The following RILPL2 variants were observed in gnomAD, a reference collection of about 807,000 sequenced individuals.
The protein encoded by RILPL2 is RILP-like protein 2.
RILPL2 carries 19 observed loss-of-function variants against 22.2 expected under a neutral mutation model. The ratio of observed to expected loss-of-function variants is 0.86; its 90% CI spans 0.60 to 1.25. RILPL2 has a LOEUF of 1.25. Among genes scored for constraint, RILPL2 ranks in the 50% most tolerant of loss-of-function variants. The pLI, the probability that RILPL2 is intolerant of heterozygous loss-of-function variation, is 0.00. For synonymous variants in RILPL2, 123 were observed against 111.6 expected (o/e 1.10, Z -0.64); for missense variants, 243 against 263.6 (o/e 0.92, Z 0.54).
At chr12:123,419,736 G>C (rs1294035401) in intron 3 of RILPL2, among the ~76,000 whole-genome samples, 1 of 150,768 alleles carries the variant, frequency 6.6e-6, no homozygotes, top group African/African-American at 2.4e-5. Flanking sequence ...CTCCCGAGTA[G>C]CTGAAATTAC....
intron 2 of RILPL2, among the ~76,000 whole-genome samples, chr12:123,427,003 G>A (rs1244947871): frequency 6.7e-6 from 1 of 149,578 alleles, no homozygotes; most frequent in Non-Finnish European, 1.5e-5. Flanking sequence ...TGCAATCACT[G>A]CCCACTGAAG....
At position 123,423,214 on chromosome 12, in the gene RILPL2, T is replaced by A; in HGVS notation, c.492-57A>T. On this transcript the variant is annotated intron_variant, in intron 2 of 3. Transcript: ENST00000280571. ...TTTTATTACAGATCGTTTTTTTTTTTTTTTTGAGTTGGAGTCTTTCTCTGT... is the reference window on the plus strand; with the variant it reads ...TTTTATTACAGATCGTTTTTTTTTTATTTTTGAGTTGGAGTCTTTCTCTGT... The A allele has an allele frequency of 1.1e-5, 14 of 1,285,298 alleles. 1 individual carries two copies. Among genetic ancestry groups the A allele is most frequent in the Non-Finnish European group, 1.5e-5 (14 of 910,140 alleles). 79.6% of individuals were successfully genotyped at this position (1,285,298 alleles called of 1,614,324 possible).
At chr12:123,409,673 C>T in the RILPL2 span, among the ~76,000 whole-genome samples, 1 of 147,096 alleles carries the variant, frequency 6.8e-6, no homozygotes, top group Non-Finnish European at 1.5e-5. Context: ...CCTTGGCTAC[C>T]TGAATAGCTG....
chr12:123,427,455 A>G (rs371142453), intron 2 of RILPL2, among the ~76,000 whole-genome samples: 1 of 152,102 alleles, frequency 6.6e-6, no homozygotes, highest in Admixed American at 6.6e-5. Flanking sequence ...TGATGAAAGG[A>G]GTGGCAAAGT....
chr12:123,434,901 G>A (rs564200308), intron 1 of RILPL2, among the ~76,000 whole-genome samples: 2 of 151,572 alleles, frequency 1.3e-5, no homozygotes, highest in African/African-American at 4.8e-5. Context: ...AGGGCTGGGT[G>A]CTGTGGCTCA....
chr12:123,433,299 G>A (rs1374025271), intron 1 of RILPL2, among the ~76,000 whole-genome samples: 1 of 151,976 alleles, frequency 6.6e-6, no homozygotes, highest in African/African-American at 2.4e-5. Flanking sequence ...TAGACACGGG[G>A]TATGTTGGCC....
At chr12:123,416,933 C>T (rs28713448) in intron 3 of RILPL2, among the ~76,000 whole-genome samples, 47,695 of 152,016 alleles carry the variant, frequency 0.31, 8,418 homozygotes, top group Non-Finnish European at 0.4. Context: ...AAATGAACAC[C>T]TTCACTTCGG....
intron 1 of RILPL2, among the ~76,000 whole-genome samples, chr12:123,431,517 T>C (rs1447230196): frequency 2.0e-5 from 3 of 152,096 alleles, no homozygotes; most frequent in Non-Finnish European, 4.4e-5. Flanking sequence ...GCAGCTGAAC[T>C]GTACACTTAA....
intron 2 of RILPL2, among the ~76,000 whole-genome samples, chr12:123,426,310 G>A (rs1037531479): frequency 6.6e-6 from 1 of 151,800 alleles, no homozygotes; most frequent in Non-Finnish European, 1.5e-5. Flanking sequence ...CACCACACCC[G>A]GCTAATTTTT....
chr12:123,421,190 C>T (rs1477206578), intron 3 of RILPL2, among the ~76,000 whole-genome samples: 2 of 151,866 alleles, frequency 1.3e-5, no homozygotes, highest in Non-Finnish European at 2.9e-5. Context: ...TTAAGGCGAA[C>T]GCCACTACCA....
At chr12:123,412,112 T>C (rs1416507769), downstream of RILPL2, 1 of 152,168 alleles carries the variant, frequency 6.6e-6, no homozygotes, top group Non-Finnish European at 1.5e-5. Context: ...GTGGGTTCTC[T>C]TACCCTATCT....
chr12:123,419,112 G>T (rs897493961), intron 3 of RILPL2, among the ~76,000 whole-genome samples: 1 of 151,070 alleles, frequency 6.6e-6, no homozygotes, highest in South Asian at 2.1e-4. Flanking sequence ...CTGGGTTCAC[G>T]CCATTCTCCT....
chr12:123,436,037 G>T lies in RILPL2; in HGVS notation c.339+45C>A. 1 of 1,540,146 alleles carries T rather than the reference G, an allele frequency of 6.5e-7. No individual in the cohort carries two copies. The highest frequency in any genetic ancestry group is 8.8e-7 in the Non-Finnish European group (1 of 1,139,948). ...TCCCTGCCAGTAGGTGCCCTCCTAC[G>T]CCCCGCAGGCGCCGTGGGCCCGGAA... On this transcript the variant is annotated intron_variant, in intron 1 of 3. Coordinates refer to ENST00000280571, the MANE Select transcript of RILPL2 (RefSeq NM_145058.3). This position sits in a 1 kb window ranked among gnomAD's most constrained non-coding sequence, Gnocchi z 6.7.
At chr12:123,418,762 T>TC (rs1382212779) in intron 3 of RILPL2, among the ~76,000 whole-genome samples, 5 of 143,578 alleles carry the variant, frequency 3.5e-5, no homozygotes, top group African/African-American at 7.7e-5. Context: ...CTTTCTTTTT[T>TC]TTTTTTTTTT....
At chr12:123,432,255 C>T (rs548367890) in intron 1 of RILPL2, among the ~76,000 whole-genome samples, 34 of 152,248 alleles carry the variant, frequency 2.2e-4, no homozygotes, top group Admixed American at 1.4e-3. Context: ...CCTGTAACCC[C>T]AGAACTCTGG....
At chr12:123,423,491 G>A (rs1004020253) in intron 2 of RILPL2, among the ~76,000 whole-genome samples, 1 of 151,718 alleles carries the variant, frequency 6.6e-6, no homozygotes, top group Non-Finnish European at 1.5e-5. Context: ...ATGAACCACT[G>A]AGCCTGGCTT....
At chr12:123,433,761 C>G (rs1879714553) in intron 1 of RILPL2, among the ~76,000 whole-genome samples, 1 of 152,124 alleles carries the variant, frequency 6.6e-6, no homozygotes, top group South Asian at 2.1e-4. Context: ...CTGACCTCTC[C>G]CACTAGATGT....
intron 3 of RILPL2, among the ~76,000 whole-genome samples, chr12:123,422,066 G>C (rs191178813): frequency 7.9e-4 from 118 of 149,548 alleles, no homozygotes; most frequent in African/African-American, 2.8e-3. Flanking sequence ...GCAGTAGCGT[G>C]ATAATAGTGA....
intron 2 of RILPL2, among the ~76,000 whole-genome samples, chr12:123,429,738 C>T (rs1289025922): frequency 1.3e-5 from 2 of 151,880 alleles, no homozygotes; most frequent in African/African-American, 4.8e-5. Flanking sequence ...TCCCGAGTAG[C>T]TGGGACTATA....
Sources: allele counts gnomAD v4.1 joint callset (sites outside exome capture counted in the v4.1 genomes callset), GRCh38; gene constraint gnomAD v4.1.1; non-coding constraint Gnocchi (gnomAD v3.1); transcripts MANE v1.5; gene names NCBI Gene and HGNC (gene_info 2026-07-23, HGNC 2026-07-21).